RANBP17: variants seen among roughly 807,000 people sequenced by gnomAD.
RANBP17 encodes RAN binding protein 17.
Under a neutral mutation model 141.2 loss-of-function variants are expected in RANBP17, and 158 were observed. That is an observed-to-expected ratio of 1.12 (90% CI 0.98 to 1.28). The LOEUF is 1.28. Ranked by LOEUF, RANBP17 falls within the 50% of genes most tolerant of loss-of-function variation. RANBP17 has a pLI of 0.00. For missense variants in RANBP17, 1,438 were observed against 1,290.7 expected, an observed-to-expected ratio of 1.11 and a Z score of -1.75; for synonymous variants, 430 against 450.0, an observed-to-expected ratio of 0.96 and a Z score of 0.56.
chr5:170,924,300 G>T (rs1457549773), intron 11 of RANBP17, 57 bp from the exon 12 acceptor site: 29 of 1,088,878 alleles, frequency 2.7e-5, no homozygotes, highest in Non-Finnish European at 3.6e-5. Flanking sequence ...TTTATTTGTG[G>T]TGAATAAAAG....
intron 14 of RANBP17, among the ~76,000 whole-genome samples, chr5:171,112,827 T>G (rs969945998): frequency 6.6e-6 from 1 of 151,996 alleles, no homozygotes; most frequent in African/African-American, 2.4e-5. Context: ...ATATATAATT[T>G]GTGAGGAATT....
chr5:170,951,053 A>G (rs1043021136), intron 12 of RANBP17, among the ~76,000 whole-genome samples: 2 of 152,092 alleles, frequency 1.3e-5, no homozygotes, highest in African/African-American at 4.8e-5. Context: ...TGATAGGAGA[A>G]GCTGAGAATG....
At chr5:171,020,423 A>G (rs1184689164) in intron 14 of RANBP17, among the ~76,000 whole-genome samples, 1 of 152,146 alleles carries the variant, frequency 6.6e-6, no homozygotes, top group Non-Finnish European at 1.5e-5. Flanking sequence ...TAGGTCTCTA[A>G]GAACTCATTT....
chr5:171,139,009 C>T (rs997222680), intron 14 of RANBP17, among the ~76,000 whole-genome samples: 1 of 152,034 alleles, frequency 6.6e-6, no homozygotes, highest in Non-Finnish European at 1.5e-5. Context: ...CCCAAGAGTT[C>T]ACAGCTACGA....
chr5:170,872,247 T>C (rs1475121154), intron 1 of RANBP17, among the ~76,000 whole-genome samples: 2 of 152,128 alleles, frequency 1.3e-5, no homozygotes, highest in Admixed American at 6.5e-5. Flanking sequence ...CTTGCTGTAT[T>C]CCTCAGTATT....
intron 4 of RANBP17, among the ~76,000 whole-genome samples, chr5:170,894,739 C>T (rs1220103015): frequency 1.3e-5 from 2 of 151,908 alleles, no homozygotes; most frequent in African/African-American, 2.4e-5. Context: ...TGTCTCCTTT[C>T]TACTGATATA....
chr5:171,147,382 G>GTGTGTGTGTGTGT (rs1315097543), intron 14 of RANBP17, among the ~76,000 whole-genome samples: 2 of 32,062 alleles, frequency 6.2e-5, no homozygotes, highest in Non-Finnish European at 1.9e-4. Flanking sequence ...TGTGTGTGTG[G>GTGTGTGTGTGTGT]TTGTTTGTTT....
intron 14 of RANBP17, among the ~76,000 whole-genome samples, chr5:171,119,140 AT>A (rs1304360925): frequency 6.6e-6 from 1 of 152,052 alleles, no homozygotes; most frequent in Non-Finnish European, 1.5e-5. Context: ...GGGATGCTGA[AT>A]TTTTTTATCC....
Position 171,199,840 on chromosome 5 carries a change from G to C in RANBP17, c.2142+67G>C, listed in dbSNP as rs1762200606. On this transcript the variant is annotated intron_variant, in intron 19 of 27. Coordinates refer to ENST00000523189, the MANE Select transcript of RANBP17 (RefSeq NM_022897.5). ...TTCTAGGATATCTAGATCCAGAAAA[G>C]GGCTTTGCATATCTGTGTGTACTCT... The C allele has an allele frequency of 3.4e-5, 32 of 938,518 alleles. No homozygotes were observed. The South Asian group carries it at 4.7e-4, about 14-fold the overall frequency. 58.1% of individuals were successfully genotyped at this position (938,518 alleles called of 1,614,324 possible).
chr5:170,901,609 A>G (rs944668758), intron 5 of RANBP17, among the ~76,000 whole-genome samples: 12 of 152,196 alleles, frequency 7.9e-5, no homozygotes, highest in African/African-American at 2.9e-4. Flanking sequence ...CAGTTTCTTC[A>G]TAGTGTCGAT....
At chr5:170,868,957 C>A (rs551972921) in intron 1 of RANBP17, among the ~76,000 whole-genome samples, 103 of 152,100 alleles carry the variant, frequency 6.8e-4, no homozygotes, top group Non-Finnish European at 1.3e-3. Flanking sequence ...TGTGTGTATC[C>A]CTTTCTCTAA....
intron 3 of RANBP17, among the ~76,000 whole-genome samples, chr5:170,890,395 CT>C (rs1364860997): frequency 4.6e-5 from 7 of 151,974 alleles, no homozygotes; most frequent in African/African-American, 1.7e-4. Context: ...GGAAATTATG[CT>C]TTTTTTCAAA....
chr5:171,101,017 C>T (rs1370363564), intron 14 of RANBP17, among the ~76,000 whole-genome samples: 1 of 152,076 alleles, frequency 6.6e-6, no homozygotes, highest in Admixed American at 6.5e-5. Flanking sequence ...GTTTTACTTC[C>T]AATTATGTGA....
intron 1 of RANBP17, among the ~76,000 whole-genome samples, chr5:170,876,455 C>A (rs747768292): frequency 6.6e-6 from 1 of 152,102 alleles, no homozygotes; most frequent in Non-Finnish European, 1.5e-5. Flanking sequence ...AGATTGTATG[C>A]ATTTTCCTGT....
At chr5:170,997,330 G>A (rs554247352) in intron 14 of RANBP17, among the ~76,000 whole-genome samples, 106 of 152,202 alleles carry the variant, frequency 7.0e-4, no homozygotes, top group African/African-American at 2.4e-3. Flanking sequence ...AGTGGAGGGC[G>A]GAGAGTTTGT....
chr5:171,144,017 A>G (rs1757877573), intron 14 of RANBP17, among the ~76,000 whole-genome samples: 1 of 152,286 alleles, frequency 6.6e-6, no homozygotes, highest in Middle Eastern at 3.4e-3. Flanking sequence ...AAGGGCCAGA[A>G]CAGGAAAGAT....
chr5:171,259,253 T>C (rs113746009), intron 24 of RANBP17, among the ~76,000 whole-genome samples: 1,561 of 152,260 alleles, frequency 0.01, 64 homozygotes, highest in East Asian at 0.09. Context: ...AAAAGGAAAC[T>C]CGTACACTGT....
chr5:170,909,223 A>G (rs1233447721), intron 5 of RANBP17, among the ~76,000 whole-genome samples: 2 of 151,896 alleles, frequency 1.3e-5, no homozygotes, highest in South Asian at 2.1e-4. Context: ...TATATGAACT[A>G]ATGACATATA....
At chr5:170,962,396 T>G (rs2127517330) in intron 13 of RANBP17, among the ~76,000 whole-genome samples, 1 of 152,260 alleles carries the variant, frequency 6.6e-6, no homozygotes, top group South Asian at 2.1e-4. Context: ...CTTCTTTGAA[T>G]TTGGGAATGT....
Sources: allele counts gnomAD v4.1 joint callset (sites outside exome capture counted in the v4.1 genomes callset), GRCh38; gene constraint gnomAD v4.1.1; transcripts MANE v1.5; gene names NCBI Gene and HGNC (gene_info 2026-07-23, HGNC 2026-07-21).